The following DLGAP1 variants were observed in gnomAD, a reference collection of about 807,000 sequenced individuals.
The protein encoded by DLGAP1 is disks large-associated protein 1.
Under a neutral mutation model 90.8 loss-of-function variants are expected in DLGAP1, and 11 were observed. The ratio of observed to expected loss-of-function variants is 0.12; its 90% CI spans 0.08 to 0.20. The LOEUF is 0.20. Ranked by LOEUF, DLGAP1 falls within the 10% of genes least tolerant of loss-of-function variation. The probability of loss-of-function intolerance (pLI) is 1.00; values close to 1 mark genes in which losing one functional copy is unlikely to be tolerated. For missense variants in DLGAP1, 1,050 were observed against 1,333.8 expected, an observed-to-expected ratio of 0.79 and a Z score of 3.31; for synonymous variants, 558 against 540.7, an observed-to-expected ratio of 1.03 and a Z score of -0.44.
rs1484759370 is a variant in DLGAP1, at chr18:3,561,788, T to C, written c.2057+5702A>G. ...CTAAGCCTCGCTATGTTGCTATTAG[T>C]CCGTTTTAACGCTGCTGATAAAGAC... On this transcript the variant is annotated intron_variant, in intron 9 of 12. Coordinates refer to ENST00000315677, the MANE Select transcript of DLGAP1 (RefSeq NM_004746.4). 6.6e-5 allele frequency among the ~76,000 whole-genome samples: 10 copies of C among 150,950 alleles called. 1 individual carries two copies. Among genetic ancestry groups the C allele is most frequent in the African/African-American group, 2.5e-4 (10 of 40,294 alleles).
At chr18:3,600,659 T>A (rs1433106540) in intron 7 of DLGAP1, among the ~76,000 whole-genome samples, 4 of 146,606 alleles carry the variant, frequency 2.7e-5, no homozygotes, top group Non-Finnish European at 6.0e-5. Flanking sequence ...GATATAGATA[T>A]CTATAGAGAT....
intron 5 of DLGAP1, among the ~76,000 whole-genome samples, chr18:3,813,000 T>C (rs1208929733): frequency 6.6e-6 from 1 of 152,190 alleles, no homozygotes; most frequent in Non-Finnish European, 1.5e-5. Flanking sequence ...ATTCTATCTA[T>C]TTCTACATTC....
intron 2 of DLGAP1, among the ~76,000 whole-genome samples, chr18:4,093,343 G>T (rs1038330700): frequency 2.6e-5 from 4 of 152,146 alleles, no homozygotes; most frequent in African/African-American, 9.7e-5. Context: ...GAAGGAAATA[G>T]GAATTTCTTA....
intron 7 of DLGAP1, among the ~76,000 whole-genome samples, chr18:3,677,171 C>T (rs1483265109): frequency 6.6e-6 from 1 of 152,186 alleles, no homozygotes; most frequent in African/African-American, 2.4e-5. Flanking sequence ...ATCTCCAGTT[C>T]CTCAACCACC....
At chr18:4,058,569 T>A (rs574766966) in intron 2 of DLGAP1, among the ~76,000 whole-genome samples, 1 of 152,302 alleles carries the variant, frequency 6.6e-6, no homozygotes, top group Non-Finnish European at 1.5e-5. Context: ...GAGGGAAAAT[T>A]CTTTCTTTAC....
intron 5 of DLGAP1, among the ~76,000 whole-genome samples, chr18:3,769,215 T>C (rs901431842): frequency 2.6e-5 from 4 of 152,156 alleles, no homozygotes; most frequent in Non-Finnish European, 4.4e-5. Context: ...ACTCCTATCA[T>C]AATGACTACA....
At chr18:4,102,353 A>T (rs1303986533) in intron 2 of DLGAP1, among the ~76,000 whole-genome samples, 1 of 152,138 alleles carries the variant, frequency 6.6e-6, no homozygotes, top group Non-Finnish European at 1.5e-5. Flanking sequence ...TGGGTTTATA[A>T]ACTTTAGTCA....
intron 2 of DLGAP1, among the ~76,000 whole-genome samples, chr18:4,091,502 T>C (rs1368025360): frequency 6.6e-6 from 1 of 152,238 alleles, no homozygotes; most frequent in Non-Finnish European, 1.5e-5. Context: ...ATTTCAATTA[T>C]ACATATATTC....
intron 1 of DLGAP1, among the ~76,000 whole-genome samples, chr18:4,297,086 C>A (rs928123865): frequency 1.3e-5 from 2 of 152,094 alleles, no homozygotes; most frequent in Admixed American, 6.6e-5. Context: ...TTTTTGAACA[C>A]CCTTTTTATA....
chr18:4,326,907 C>T (rs923352655), intron 1 of DLGAP1, among the ~76,000 whole-genome samples: 3 of 151,898 alleles, frequency 2.0e-5, no homozygotes, highest in Admixed American at 6.6e-5. Context: ...AGTACTATAC[C>T]TATTACCCAG....
intron 1 of DLGAP1, among the ~76,000 whole-genome samples, chr18:4,380,317 T>C (rs954161074): frequency 1.3e-5 from 2 of 152,156 alleles, no homozygotes; most frequent in Admixed American, 1.3e-4. Flanking sequence ...TCTTCAAAAT[T>C]ACAATGACCT....
chr18:4,319,432 T>C (rs988362933), intron 1 of DLGAP1, among the ~76,000 whole-genome samples: 2 of 152,202 alleles, frequency 1.3e-5, no homozygotes, highest in Admixed American at 1.3e-4. Context: ...TCAGTCTAGT[T>C]TGGGGACCAA....
intron 1 of DLGAP1, among the ~76,000 whole-genome samples, chr18:4,262,151 C>T (rs1462622084): frequency 6.6e-6 from 1 of 152,174 alleles, no homozygotes; most frequent in East Asian, 1.9e-4. Context: ...ACATCCATAG[C>T]CATGTAGTTC....
intron 1 of DLGAP1, among the ~76,000 whole-genome samples, chr18:4,276,337 TA>T (rs1158777517): frequency 6.6e-6 from 1 of 152,008 alleles, no homozygotes; most frequent in Non-Finnish European, 1.5e-5. Flanking sequence ...AGATGGAGGT[TA>T]AAATAAGTTA....
chr18:3,623,754 G>C (rs1433294638), intron 7 of DLGAP1, among the ~76,000 whole-genome samples: 1 of 130,656 alleles, frequency 7.7e-6, no homozygotes, highest in East Asian at 2.3e-4. Flanking sequence ...CCCAGCCTGA[G>C]AGACAGAGCA....
At chr18:4,259,357 A>G (rs17600429) in intron 1 of DLGAP1, among the ~76,000 whole-genome samples, 7,312 of 152,316 alleles carry the variant, frequency 0.048, 299 homozygotes, top group Non-Finnish European at 0.073. Context: ...TAACTCCTCA[A>G]AAAGTCATTT....
intron 7 of DLGAP1, among the ~76,000 whole-genome samples, chr18:3,619,742 C>CTTT (rs10625913): frequency 0.42 from 46,949 of 112,024 alleles, 10,276 homozygotes; most frequent in South Asian, 0.57. Context: ...TAGTTTTTTC[C>CTTT]TTTTTTTTTT....
At chr18:4,241,251 C>G (rs1244694300) in intron 1 of DLGAP1, among the ~76,000 whole-genome samples, 1 of 152,140 alleles carries the variant, frequency 6.6e-6, no homozygotes, top group Non-Finnish European at 1.5e-5. Context: ...TCTTAAAACA[C>G]TGATTGCTGA....
intron 2 of DLGAP1, among the ~76,000 whole-genome samples, chr18:4,145,069 C>T (rs1201523735): frequency 1.3e-5 from 2 of 152,260 alleles, no homozygotes; most frequent in South Asian, 2.1e-4. Flanking sequence ...GTAATAATTG[C>T]CTATAACTTT....
Sources: gnomAD v4.1 joint callset for allele counts (sites outside exome capture counted in the v4.1 genomes callset) on GRCh38, gnomAD v4.1.1 for gene constraint, MANE v1.5 for transcripts, NCBI Gene and HGNC (gene_info 2026-07-23, HGNC 2026-07-21) for gene names.